ARK2C: variants seen among roughly 807,000 people sequenced by gnomAD.
ARK2C encodes the protein E3 ubiquitin-protein ligase ARK2C.
At chr18:46,355,442 G>C in the ARK2C span, among the ~76,000 whole-genome samples, 3 of 152,122 alleles carry the variant, frequency 2.0e-5, no homozygotes, top group Admixed American at 2.0e-4. Context: ...CTCTGGTGAG[G>C]ATCACAGGAG....
chr18:46,392,835 C>T, the ARK2C span, among the ~76,000 whole-genome samples: 39 of 152,286 alleles, frequency 2.6e-4, no homozygotes, highest in African/African-American at 7.0e-4. Flanking sequence ...GAGGACAACA[C>T]GCCTGGGTGG....
At chr18:46,338,007 C>T in the ARK2C span, among the ~76,000 whole-genome samples, 3 of 152,254 alleles carry the variant, frequency 2.0e-5, no homozygotes, top group South Asian at 2.1e-4. Context: ...GATACATGGG[C>T]ACTGGGTTTA....
chr18:46,435,248 G>A, the ARK2C span: 47 of 1,573,552 alleles, frequency 3.0e-5, no homozygotes, highest in Admixed American at 7.3e-4. Flanking sequence ...AGTGGCCTGG[G>A]TAGCCCCTGA....
At chr18:46,411,597 G>A in the ARK2C span, among the ~76,000 whole-genome samples, 1 of 152,218 alleles carries the variant, frequency 6.6e-6, no homozygotes, top group Non-Finnish European at 1.5e-5. Flanking sequence ...TATTCTATAT[G>A]TGTACTAGTT....
chr18:46,381,441 C>T, the ARK2C span, among the ~76,000 whole-genome samples: 1 of 152,216 alleles, frequency 6.6e-6, no homozygotes, highest in African/African-American at 2.4e-5. Flanking sequence ...CTATTGCTCA[C>T]CCAGTGCTCT....
At chr18:46,395,512 C>G in the ARK2C span, among the ~76,000 whole-genome samples, 3 of 152,158 alleles carry the variant, frequency 2.0e-5, no homozygotes, top group Non-Finnish European at 1.5e-5. Flanking sequence ...TTAGAAGAAT[C>G]AGCTTTATTG....
At chr18:46,356,510 C>G in the ARK2C span, among the ~76,000 whole-genome samples, 1 of 152,118 alleles carries the variant, frequency 6.6e-6, no homozygotes, top group Non-Finnish European at 1.5e-5. Context: ...GAGAGGGAGC[C>G]CTGCAGATCC....
At chr18:46,418,376 G>C in the ARK2C span, among the ~76,000 whole-genome samples, 1 of 151,854 alleles carries the variant, frequency 6.6e-6, no homozygotes, top group East Asian at 1.9e-4. Flanking sequence ...GGTGAAAATG[G>C]GAAATCAATT....
the ARK2C span, among the ~76,000 whole-genome samples, chr18:46,407,007 C>T: frequency 3.9e-5 from 6 of 152,226 alleles, no homozygotes; most frequent in Non-Finnish European, 8.8e-5. Context: ...ATTTATGGTG[C>T]TTTTATTTAA....
At chr18:46,454,469 A>T in the ARK2C span, among the ~76,000 whole-genome samples, 1 of 152,180 alleles carries the variant, frequency 6.6e-6, no homozygotes, top group East Asian at 1.9e-4. Context: ...TGGATTCTGG[A>T]TAAGGGAAAA....
the ARK2C span, among the ~76,000 whole-genome samples, chr18:46,391,763 C>T: frequency 3.0e-4 from 46 of 151,980 alleles, no homozygotes; most frequent in African/African-American, 8.9e-4. Context: ...AACACACACA[C>T]GCACACACAC....
chr18:46,434,017 C>T, the ARK2C span, among the ~76,000 whole-genome samples: 1 of 152,204 alleles, frequency 6.6e-6, no homozygotes, highest in Non-Finnish European at 1.5e-5. Flanking sequence ...CAAGAGTTCT[C>T]AAGAGCCCAC....
the ARK2C span, among the ~76,000 whole-genome samples, chr18:46,422,267 C>G: frequency 6.6e-6 from 1 of 152,200 alleles, no homozygotes; most frequent in Non-Finnish European, 1.5e-5. Flanking sequence ...TTTCCCCACA[C>G]CCTCATTTTT....
chr18:46,422,937 G>T, the ARK2C span, among the ~76,000 whole-genome samples: 102 of 152,282 alleles, frequency 6.7e-4, no homozygotes, highest in African/African-American at 2.2e-3. Flanking sequence ...GCTATTACCT[G>T]ACCCAGAGTT....
the ARK2C span, among the ~76,000 whole-genome samples, chr18:46,452,587 G>T: frequency 6.6e-6 from 1 of 151,930 alleles, no homozygotes; most frequent in Non-Finnish European, 1.5e-5. Context: ...GCCTGTTTTT[G>T]CTTAATTTTA....
At chr18:46,357,991 TCA>T in the ARK2C span, among the ~76,000 whole-genome samples, 1 of 152,214 alleles carries the variant, frequency 6.6e-6, no homozygotes, top group African/African-American at 2.4e-5. Flanking sequence ...TCACAGTGTC[TCA>T]GTGTCTCCAC....
chr18:46,362,270 G>C, the ARK2C span, among the ~76,000 whole-genome samples: 1 of 152,222 alleles, frequency 6.6e-6, no homozygotes, highest in Non-Finnish European at 1.5e-5. Flanking sequence ...TTCCTTCAGG[G>C]GTTTTGCAAG....
the ARK2C span, among the ~76,000 whole-genome samples, chr18:46,360,030 G>A: frequency 6.6e-6 from 1 of 152,202 alleles, no homozygotes; most frequent in African/African-American, 2.4e-5. Context: ...GACATCTCAA[G>A]GTCTCTACCA....
At chr18:46,459,327 T>C in the ARK2C span, 1 of 152,266 alleles carries the variant, frequency 6.6e-6, no homozygotes, top group Non-Finnish European at 1.5e-5. Flanking sequence ...GGAGGTTGGA[T>C]TGGATGCTTG....
Sources: allele counts gnomAD v4.1 joint callset (sites outside exome capture counted in the v4.1 genomes callset), GRCh38; gene constraint gnomAD v4.1.1; transcripts MANE v1.5; gene names NCBI Gene and HGNC (gene_info 2026-07-23, HGNC 2026-07-21).